Variants in DCAF17 observed in about 807,000 individuals in gnomAD.
DCAF17 encodes the protein DDB1- and CUL4-associated factor 17.
In DCAF17, 48 loss-of-function variants were observed where a neutral mutation model predicts 66.0. The observed-to-expected ratio is 0.73, with a 90% CI of 0.58 to 0.92. The LOEUF (loss-of-function observed/expected upper bound fraction) is 0.92, where lower values mean the gene tolerates loss of function less well. Ranked by LOEUF, DCAF17 falls within the 40% of genes least tolerant of loss-of-function variation. DCAF17 has a pLI of 0.00. For missense variants in DCAF17, 562 were observed against 622.8 expected (o/e 0.90, Z 1.04); for synonymous variants, 206 against 214.6 (o/e 0.96, Z 0.35).
At chr2:171,447,694 GTC>G (rs376895547) in intron 3 of DCAF17, among the ~76,000 whole-genome samples, 1 of 152,302 alleles carries the variant, frequency 6.6e-6, no homozygotes, top group African/African-American at 2.4e-5. Flanking sequence ...TAGAAACAGA[GTC>G]TTGCTGTGTT....
intron 3 of DCAF17, among the ~76,000 whole-genome samples, chr2:171,448,212 G>A (rs1356190551): frequency 3.3e-5 from 5 of 151,938 alleles, no homozygotes; most frequent in African/African-American, 1.2e-4. Context: ...ACTCACTGCA[G>A]CCTTGACCTC....
rs1553554848 is a variant in DCAF17, at chr2:171,481,365, A to G, written c.*251A>G. On this transcript the variant is annotated 3_prime_UTR_variant, in exon 14 of 14. Coordinates refer to ENST00000375255, the MANE Select transcript of DCAF17 (RefSeq NM_025000.4). ...TTTTGCAGCTTTGAGCTAGGTGGTA[A>G]TGCAAATATAAAATGCTGGGAACAG... 2 of 562,082 alleles carry G rather than the reference A, an allele frequency of 3.6e-6. No individual in the cohort carries two copies. Among genetic ancestry groups the G allele is most frequent in the South Asian group, 3.1e-5 (2 of 65,484 alleles). The allele number at this position is 562,082 out of a possible 1,614,324, so 34.8% of individuals were successfully genotyped here. A position where few individuals can be genotyped will look rare whatever the true frequency, so the allele number is the denominator to read the frequency against.
At chr2:171,443,729 C>T in intron 3 of DCAF17, 116 bp downstream of exon 3, 1 of 790,676 alleles carries the variant, frequency 1.3e-6, no homozygotes, top group South Asian at 1.6e-5. Context: ...ACTCTTGCAT[C>T]TTTAAAGCAA....
chr2:171,455,062 C>T (rs1392769717), intron 6 of DCAF17, among the ~76,000 whole-genome samples: 2 of 151,304 alleles, frequency 1.3e-5, no homozygotes, highest in African/African-American at 4.9e-5. Context: ...GTTTGTTGTA[C>T]AGATTATTTC....
rs966725600 is a variant in DCAF17, at chr2:171,434,762, C to A, written c.126+59C>A. 1.1e-5 allele frequency: 15 copies of A among 1,391,728 alleles called. No homozygotes were observed. The African/African-American group carries it at 1.8e-4, about 17-fold the overall frequency. 86.2% of individuals were successfully genotyped at this position (1,391,728 alleles called of 1,614,324 possible). A position where few individuals can be genotyped will look rare whatever the true frequency, so the allele number is the denominator to read the frequency against. Reference sequence around the variant, plus strand: ...CCGCGGGCGCGCGGCGGCCGAGCCTCCTGCGGGGATGCGGTTTTAACGCGC... The same window carrying A: ...CCGCGGGCGCGCGGCGGCCGAGCCTACTGCGGGGATGCGGTTTTAACGCGC... On this transcript the variant is annotated intron_variant, in intron 1 of 13. Coordinates refer to ENST00000375255, the MANE Select transcript of DCAF17 (RefSeq NM_025000.4).
rs1357464390 is a variant in DCAF17, at chr2:171,481,450, A to G, written c.*336A>G. The G allele has an allele frequency of 2.2e-6, 1 of 465,074 alleles. No homozygotes were observed. The highest frequency in any genetic ancestry group is 4.3e-6 in the Non-Finnish European group (1 of 234,384). The allele number at this position is 465,074 out of a possible 1,614,324, so 28.8% of individuals were successfully genotyped here. On this transcript the variant is annotated 3_prime_UTR_variant, in exon 14 of 14. Coordinates refer to ENST00000375255, the MANE Select transcript of DCAF17 (RefSeq NM_025000.4). ...AAGTCATTGATGGGGTGGGTCATTG[A>G]TGAGTTCTTAAAGGATGGTATGGAA...
intron 6 of DCAF17, among the ~76,000 whole-genome samples, chr2:171,453,689 C>T (rs1385300524): frequency 3.3e-5 from 5 of 152,048 alleles, no homozygotes; most frequent in African/African-American, 9.6e-5. Context: ...TTGTTCTTGA[C>T]TTGTGGAGCA....
intron 6 of DCAF17, 38 bp from the exon 7 acceptor site, chr2:171,457,933 G>T (rs138268520): frequency 2.7e-6 from 4 of 1,504,024 alleles, no homozygotes; most frequent in Non-Finnish European, 3.7e-6. Context: ...TGGACTTCCA[G>T]TCTTTTCTCA....
chr2:171,453,185 T>A lies in DCAF17; in HGVS notation c.599T>A (p.Leu200His). 1 of 1,613,042 alleles carries A rather than the reference T, an allele frequency of 6.2e-7. No homozygotes were observed. The highest frequency in any genetic ancestry group is 8.5e-7 in the Non-Finnish European group (1 of 1,179,420). The change falls in exon 6 of 14, where the codon CTT becomes CAT. Residue 200 changes from leucine (L) to histidine (H), a missense_variant. Physicochemically the swap from Leu to His is moderately conservative, Grantham distance 99. Transcript: ENST00000375255. ...LAVFRVLPFSLVGILEINKKI... is the reference protein window; with the variant it reads ...LAVFRVLPFSHVGILEINKKI... ...GTGTTCCGAGTTCTACCTTTTTCAC[T>A]TGTAGGGATTCTAGAGATCAACAAA...
chr2:171,467,073 A>G (rs139175361), intron 8 of DCAF17, among the ~76,000 whole-genome samples: 4 of 152,260 alleles, frequency 2.6e-5, no homozygotes, highest in African/African-American at 7.2e-5. Context: ...TGATATGTTT[A>G]TGCCTGTCTC....
At chr2:171,452,643 G>A (rs77509790) in intron 5 of DCAF17, among the ~76,000 whole-genome samples, 2,152 of 152,056 alleles carry the variant, frequency 0.014, 58 homozygotes, top group African/African-American at 0.049. Context: ...TTGTATAAAC[G>A]AGGTCTCACT....
rs1053320958 is a variant in DCAF17 at position 171,480,105 on chromosome 2, A to T, written c.1334A>T (p.Asp445Val). ...LLSVVAVTQI[D>V]AEGKAHLDFH... ...TCTGTGGTAGCTGTTACTCAAATAGATGCTGAAGGAAAAGCTCACCTGGAT... is the reference window on the plus strand; with the variant it reads ...TCTGTGGTAGCTGTTACTCAAATAGTTGCTGAAGGAAAAGCTCACCTGGAT... The change falls in exon 13 of 14, where the codon GAT (aspartate) becomes GTT (valine). Residue 445 changes from aspartate to valine, a missense_variant. Asp to Val is a radical substitution (Grantham distance 152). Transcript: ENST00000375255. 3 of 1,613,770 alleles carry T rather than the reference A, an allele frequency of 1.9e-6. No individual in the cohort carries two copies. The highest frequency in any genetic ancestry group is 2.5e-6 in the Non-Finnish European group (3 of 1,179,818).
intron 2 of DCAF17, among the ~76,000 whole-genome samples, chr2:171,437,570 G>A (rs1203214755): frequency 6.6e-6 from 1 of 152,046 alleles, no homozygotes; most frequent in Non-Finnish European, 1.5e-5. Flanking sequence ...TGTTTTGGTA[G>A]GTTGTTCATT....
chr2:171,458,945 A>G (rs1695418303), intron 8 of DCAF17, among the ~76,000 whole-genome samples: 1 of 152,240 alleles, frequency 6.6e-6, no homozygotes, highest in South Asian at 2.1e-4. Flanking sequence ...TCACAAAAAG[A>G]AAATTATATA....
chr2:171,462,635 A>G (rs557112123), intron 8 of DCAF17, among the ~76,000 whole-genome samples: 1 of 152,188 alleles, frequency 6.6e-6, no homozygotes, highest in African/African-American at 2.4e-5. Context: ...ATTTGTCAAT[A>G]TGACAGTTTG....
chr2:171,474,890 C>T (rs7564602), intron 10 of DCAF17, among the ~76,000 whole-genome samples: 5,495 of 152,304 alleles, frequency 0.036, 322 homozygotes, highest in African/African-American at 0.12. Flanking sequence ...GCCAAGGCTA[C>T]AGTAATAGCC....
intron 2 of DCAF17, among the ~76,000 whole-genome samples, chr2:171,439,653 G>T (rs1694188272): frequency 6.6e-6 from 1 of 151,830 alleles, no homozygotes; most frequent in Non-Finnish European, 1.5e-5. Context: ...TTGTGACTGG[G>T]TGCGGAGGCT....
At chr2:171,436,334 C>A (rs1220705503) in intron 2 of DCAF17, among the ~76,000 whole-genome samples, 1 of 152,114 alleles carries the variant, frequency 6.6e-6, no homozygotes, top group Non-Finnish European at 1.5e-5. Context: ...TAGATTATAC[C>A]TAGGAATGGA....
chr2:171,454,490 T>C (rs1206030314), intron 6 of DCAF17, among the ~76,000 whole-genome samples: 1 of 152,004 alleles, frequency 6.6e-6, no homozygotes, highest in Non-Finnish European at 1.5e-5. Flanking sequence ...TTCACTGTGT[T>C]AGCCAGGATG....
Sources: gnomAD v4.1 joint callset for allele counts (sites outside exome capture counted in the v4.1 genomes callset) on GRCh38, gnomAD v4.1.1 for gene constraint, MANE v1.5 for transcripts, NCBI Gene and HGNC (gene_info 2026-07-23, HGNC 2026-07-21) for gene names.